OGDHL: variants seen among roughly 807,000 people sequenced by gnomAD.
The protein encoded by OGDHL is 2-oxoglutarate dehydrogenase-like, mitochondrial.
In OGDHL, 79 loss-of-function variants were observed where a neutral mutation model predicts 109.6. That is an observed-to-expected ratio of 0.72 (90% confidence interval 0.60 to 0.87). The LOEUF (loss-of-function observed/expected upper bound fraction) is 0.87, where lower values mean the gene tolerates loss of function less well. Ranked by LOEUF, OGDHL falls within the 40% of genes least tolerant of loss-of-function variation. OGDHL has a pLI of 0.00. For missense variants in OGDHL, 1,275 were observed against 1,362.2 expected (o/e 0.94, Z 1.01); for synonymous variants, 528 against 537.2 (o/e 0.98, Z 0.24).
At chr10:49,750,327 C>A (rs1196537886) in intron 7 of OGDHL, among the ~76,000 whole-genome samples, 4 of 152,192 alleles carry the variant, frequency 2.6e-5, no homozygotes, top group Non-Finnish European at 5.9e-5. Context: ...TCCCCACAGG[C>A]TCCAGCTCAG....
intron 3 of OGDHL, among the ~76,000 whole-genome samples, chr10:49,755,673 T>G (rs961207508): frequency 1.3e-5 from 2 of 151,800 alleles, no homozygotes; most frequent in African/African-American, 4.8e-5. Context: ...CACAACAGAG[T>G]AACACACCTG....
intron 3 of OGDHL, 149 bp downstream of exon 3, chr10:49,756,627 G>A (rs530684391): frequency 8.3e-6 from 6 of 722,734 alleles, no homozygotes; most frequent in African/African-American, 5.3e-5. Context: ...GGCAAAGACT[G>A]GCTAGAGGAG....
At position 49,736,380 on chromosome 10, in the gene OGDHL, C is replaced by A; in HGVS notation, c.2731G>T (p.Val911Leu). 1.9e-6 allele frequency: 3 copies of A among 1,614,190 alleles called. No individual in the cohort carries two copies. Among genetic ancestry groups the A allele is most frequent in the Non-Finnish European group, 2.5e-6 (3 of 1,180,042 alleles). ...ACCTGCTCCAGGCGCGTGATGGCCA[C>A]TTTCTCCTCCAGGTCCTGGCTGCTC... The part of the protein sequence containing the change: ...ERSSQDLEEK[V>L]AITRLEQISP... Residue 911 changes from valine (V) to leucine (L), a missense_variant, in exon 21 of 23, where the codon GTG becomes TTG. Val to Leu is a conservative substitution (Grantham distance 32). Coordinates refer to ENST00000374103, the MANE Select transcript of OGDHL (RefSeq NM_018245.3).
chr10:49,742,689 T>G, intron 15 of OGDHL, 139 bp downstream of exon 15: 1 of 1,148,892 alleles, frequency 8.7e-7, no homozygotes, highest in South Asian at 1.6e-5. Flanking sequence ...GAGGTGGCCA[T>G]CTGATGATGC....
chr10:49,744,195 C>T, intron 13 of OGDHL, 73 bp from the exon 14 acceptor site: 1 of 1,566,272 alleles, frequency 6.4e-7, no homozygotes, highest in East Asian at 2.3e-5. Flanking sequence ...CCTGCCTCCC[C>T]AGGACTGAGT....
At chr10:49,761,680 A>G (rs1037255832) in intron 1 of OGDHL, among the ~76,000 whole-genome samples, 2 of 151,966 alleles carry the variant, frequency 1.3e-5, no homozygotes, top group Non-Finnish European at 2.9e-5. Flanking sequence ...CCTCGGGATT[A>G]CCCCGTCCCC....
rs1842624937 is a variant in OGDHL, at chr10:49,751,940, G to A, written c.636C>T (p.Ile212=). Residue 212 remains isoleucine, a synonymous_variant, in exon 6 of 23, where the codon ATC becomes ATT. Coordinates refer to ENST00000374103, the MANE Select transcript of OGDHL (RefSeq NM_018245.3). Reference sequence around the variant, plus strand: ...TCCACTGGCACTGCTCCACATCGTTGATGAACATGAACTCCAGGCCAATGT... The same window carrying A: ...TCCACTGGCACTGCTCCACATCGTTAATGAACATGAACTCCAGGCCAATGT... ...CQHIGLEFMF[I]NDVEQCQWIR... is the part of the protein sequence containing the mutation. 1.2e-6 allele frequency: 2 copies of A among 1,614,210 alleles called. No individual in the cohort carries two copies. The highest frequency in any genetic ancestry group is 1.7e-6 in the Non-Finnish European group (2 of 1,180,038).
chr10:49,745,321 G>C (rs367927983), intron 12 of OGDHL, 23 bp downstream of exon 12: 10 of 1,610,806 alleles, frequency 6.2e-6, no homozygotes, highest in African/African-American at 1.3e-5. Context: ...TGTCTTGGGC[G>C]CCCCTGCAGC....
At chr10:49,736,227 C>G in intron 21 of OGDHL, 50 bp from the exon 22 acceptor site, 1 of 1,568,262 alleles carries the variant, frequency 6.4e-7, no homozygotes, top group Non-Finnish European at 8.7e-7. Flanking sequence ...GCGGTATGTC[C>G]CCAGCACCCC....
chr10:49,740,411 C>T (rs1841558339), intron 16 of OGDHL, among the ~76,000 whole-genome samples: 1 of 152,106 alleles, frequency 6.6e-6, no homozygotes. Flanking sequence ...CAGCTGGAAC[C>T]CACAGCAGAC....
Position 49,758,370 on chromosome 10 carries a change from G to C in OGDHL, c.204+19C>G. ...CTTCCCTCCCTTGCGGTGGCCCAGG[G>C]TAGGGTGGGGATGCTGACCTTGTGG... On this transcript the variant is annotated intron_variant, in intron 2 of 22. Coordinates refer to ENST00000374103, the MANE Select transcript of OGDHL (RefSeq NM_018245.3). 6.3e-7 allele frequency: 1 copy of C among 1,596,326 alleles called. No homozygotes were observed. The highest frequency in any genetic ancestry group is 8.6e-7 in the Non-Finnish European group (1 of 1,169,430).
Position 49,747,201 on chromosome 10 carries a change from C to T in OGDHL, c.995G>A (p.Gly332Glu). 1 of 1,613,964 alleles carries T rather than the reference C, an allele frequency of 6.2e-7. No homozygotes were observed. The highest frequency in any genetic ancestry group is 8.5e-7 in the Non-Finnish European group (1 of 1,179,866). The change falls in exon 9 of 23, where the codon GGG becomes GAG. Residue 332 changes from glycine to glutamate, a missense_variant. Transcript: ENST00000374103. The stretch of plus-strand genomic sequence containing the variant: ...CATGCCCAGGTGGTACTTGACATCC[C>T]CGGAGCCCTGAAGGTGGAGATGGGA... ...PKLEAADEGS[G>E]DVKYHLGMYH...
At chr10:49,741,739 A>G (rs1025707333) in intron 15 of OGDHL, among the ~76,000 whole-genome samples, 4 of 145,776 alleles carry the variant, frequency 2.7e-5, no homozygotes, top group Non-Finnish European at 4.5e-5. Context: ...ACACACATAC[A>G]TACACACACC....
At chr10:49,736,326 T>C (rs777329240) in intron 21 of OGDHL, 31 bp downstream of exon 21, 1 of 1,613,010 alleles carries the variant, frequency 6.2e-7, no homozygotes, top group Admixed American at 1.7e-5. Context: ...AGCTTGCCCA[T>C]CACTTGACTG....
rs748092262 is a variant in OGDHL, at chr10:49,736,321, G to A, written c.2754+36C>T. On this transcript the variant is annotated intron_variant, in intron 21 of 22. Transcript: ENST00000374103. The stretch of plus-strand genomic sequence containing the variant: ...GAGCCGGGGCCAGCGACGTGAGCTT[G>A]CCCATCACTTGACTGTACAAGGGGT... 6 of 1,610,654 alleles carry A rather than the reference G, an allele frequency of 3.7e-6. No individual in the cohort carries two copies. In the East Asian group the frequency reaches 6.7e-5, roughly 18 times the overall value.
In OGDHL at chr10:49,740,817, T is replaced by C. The variant is rs772350339; in HGVS notation, c.2033A>G (p.His678Arg). 2.5e-6 allele frequency: 4 copies of C among 1,613,684 alleles called. No individual in the cohort carries two copies. The highest frequency in any genetic ancestry group is 3.4e-6 in the Non-Finnish European group (4 of 1,179,804). Residue 678 changes from histidine (H) to arginine (R), a missense_variant, in exon 16 of 23, where the codon CAT (histidine) becomes CGT (arginine). By Grantham distance (29) the His-to-Arg change is conservative (BLOSUM62 0). Coordinates refer to ENST00000374103, the MANE Select transcript of OGDHL (RefSeq NM_018245.3). The stretch of plus-strand genomic sequence containing the variant: ...CGTCCTGCGGTCAACCTCCTGGTCA[T>C]GGAGAACATGGTGCCGGTGACTGCA... ...GTFSHRHHVL[H>R]DQEVDRRTCV...
chr10:49,735,280 T>C lies in OGDHL; in HGVS notation c.2981A>G (p.Lys994Arg). 1 of 1,614,150 alleles carries C rather than the reference T, an allele frequency of 6.2e-7. No homozygotes were observed. The highest frequency in any genetic ancestry group is 8.5e-7 in the Non-Finnish European group (1 of 1,180,004). The change falls in exon 23 of 23, where the codon AAG becomes AGG. Residue 994 changes from lysine to arginine, a missense_variant. Physicochemically the swap from Lys to Arg is conservative, Grantham distance 26. Transcript: ENST00000374103. The part of the protein sequence containing the change: ...NRNTHLVSLK[K>R]FLDTAFNLQA... ...GAGATTGAAGGCAGTATCCAGAAAC[T>C]TCTTCAGTGACACCAGGTGAGTGTT... is the stretch of plus-strand genomic sequence containing the variant.
chr10:49,739,868 G>A, intron 16 of OGDHL, 29 bp from the exon 17 acceptor site: 1 of 1,599,900 alleles, frequency 6.3e-7, no homozygotes, highest in Non-Finnish European at 8.5e-7. Context: ...AGAGCTTGCT[G>A]CACACAGTCA....
intron 17 of OGDHL, chr10:49,739,381 A>G: frequency 2.6e-6 from 1 of 379,190 alleles, no homozygotes; most frequent in South Asian, 7.0e-5. Flanking sequence ...CTACTTCATT[A>G]AGTTGTATGG....
Sources: allele counts gnomAD v4.1 joint callset (sites outside exome capture counted in the v4.1 genomes callset), GRCh38; gene constraint gnomAD v4.1.1; transcripts MANE v1.5; gene names NCBI Gene and HGNC (gene_info 2026-07-23, HGNC 2026-07-21).